Variants in GPR89B observed in about 807,000 individuals in gnomAD.
The protein encoded by GPR89B is golgi pH regulator B.
In GPR89B, 25 loss-of-function variants were observed where a neutral mutation model predicts 52.4. The ratio of observed to expected loss-of-function variants is 0.48; its 90% CI spans 0.35 to 0.67. GPR89B has a LOEUF of 0.67. Among genes scored for constraint, GPR89B ranks in the 30% least tolerant of loss-of-function variants. The pLI, the probability that GPR89B is intolerant of heterozygous loss-of-function variation, is 0.01. For missense variants in GPR89B, 146 were observed against 450.2 expected (o/e 0.32, Z 6.11); for synonymous variants, 52 against 151.2 (o/e 0.34, Z 4.81).
chr1:147,949,870 G>A (rs1219032220), intron 5 of GPR89B, among the ~76,000 whole-genome samples: 2 of 136,434 alleles, frequency 1.5e-5, no homozygotes, highest in Admixed American at 1.4e-4. Flanking sequence ...CAGTAGGGGC[G>A]GCCGGGCAGA....
chr1:147,938,801 G>A lies in GPR89B; in HGVS notation c.190G>A (p.Gly64Arg). Residue 64 changes from glycine (G) to arginine (R), a missense_variant, in exon 3 of 14, where the codon GGA (glycine) becomes AGA (arginine). By Grantham distance (125) the Gly-to-Arg change is moderately radical. Coordinates refer to ENST00000314163, the MANE Select transcript of GPR89B (RefSeq NM_016334.5). ...MFELIIFEIL[G>R]VLNSSSRYFH... ...TGAGCTCATCATCTTTGAAATCTTAGGAGTATTGAATAGCAGGTGAGTAAG... is the reference window on the plus strand; with the variant it reads ...TGAGCTCATCATCTTTGAAATCTTAAGAGTATTGAATAGCAGGTGAGTAAG... 1 of 1,574,460 alleles carries A rather than the reference G, an allele frequency of 6.4e-7. No individual in the cohort carries two copies. Among genetic ancestry groups the A allele is most frequent in the African/African-American group, 1.5e-5 (1 of 67,202 alleles).
chr1:147,956,404 G>T (rs1656116300), intron 7 of GPR89B, among the ~76,000 whole-genome samples: 1 of 152,270 alleles, frequency 6.6e-6, no homozygotes, highest in Non-Finnish European at 1.5e-5. Context: ...TGTATTTTAG[G>T]ATTATTTTTT....
downstream of GPR89B, chr1:147,995,587 C>T (rs1265568817): frequency 1.0e-5 from 16 of 1,607,486 alleles, no homozygotes; most frequent in Non-Finnish European, 1.4e-5. Flanking sequence ...GAAATAGGCC[C>T]CCACTCACCC....
chr1:148,008,140 C>T, the GPR89B span, among the ~76,000 whole-genome samples: 2 of 152,136 alleles, frequency 1.3e-5, no homozygotes, highest in Non-Finnish European at 2.9e-5. Flanking sequence ...CTAATGACTA[C>T]ATAAATCACT....
In GPR89B at chr1:147,955,412, G is replaced by T. The variant is rs1226571146; in HGVS notation, c.617+1010G>T. Among the ~76,000 whole-genome samples the T allele has an allele frequency of 3.3e-4, 50 of 151,942 alleles. 1 individual carries two copies. The Middle Eastern group carries it at 0.014, about 41-fold the overall frequency. On this transcript the variant is annotated intron_variant, in intron 7 of 13. Coordinates refer to ENST00000314163, the MANE Select transcript of GPR89B (RefSeq NM_016334.5). Reference sequence around the variant, plus strand: ...CATTTTACTGATTTCAGATCTTTTGGGTAAATACTAAGAAGTGGGATTGCT... The same window carrying T: ...CATTTTACTGATTTCAGATCTTTTGTGTAAATACTAAGAAGTGGGATTGCT...
Position 147,968,856 on chromosome 1 carries a change from G to C in GPR89B, c.728-19G>C. The C allele has an allele frequency of 1.9e-6, 3 of 1,612,912 alleles. No individual in the cohort carries two copies. Among genetic ancestry groups the C allele is most frequent in the Non-Finnish European group, 2.5e-6 (3 of 1,179,406 alleles). ...GAAATTCCTATGTGATTAAAACCTT[G>C]ATGCCCATTCTGTGCCAGATCTTAC... On this transcript the variant is annotated intron_variant, in intron 8 of 13. Coordinates refer to ENST00000314163, the MANE Select transcript of GPR89B (RefSeq NM_016334.5).
In GPR89B at chr1:147,968,162, C is replaced by T. The variant is rs1224954390; in HGVS notation, c.728-713C>T. 48 of 416,450 alleles carry T rather than the reference C, an allele frequency of 1.2e-4. 3 individuals carry two copies. The highest frequency in any genetic ancestry group is 9.3e-4 in the African/African-American group (45 of 48,330). The allele number at this position is 416,450 out of a possible 1,614,324, so 25.8% of individuals were successfully genotyped here. A position where few individuals can be genotyped will look rare whatever the true frequency, so the allele number is the denominator to read the frequency against. On this transcript the variant is annotated intron_variant, in intron 8 of 13. Transcript: ENST00000314163. ...AACAAACATATCAGGACTATTTAAC[C>T]TCCCTGAGCCCCTGTTCTCTAAATG...
the GPR89B span, among the ~76,000 whole-genome samples, chr1:148,021,623 G>T: frequency 5.4e-3 from 822 of 151,766 alleles, 9 homozygotes; most frequent in Non-Finnish European, 8.0e-3. Context: ...GAGGGGCCTC[G>T]GACCTTCCTG....
intron 8 of GPR89B, chr1:147,967,805 C>T (rs1246732261): frequency 6.5e-6 from 1 of 154,232 alleles, no homozygotes; most frequent in East Asian, 1.9e-4. Flanking sequence ...TTTGTATCTC[C>T]TATTTCCAGG....
intron 10 of GPR89B, among the ~76,000 whole-genome samples, chr1:147,978,921 CA>C (rs1658039069): frequency 6.6e-6 from 1 of 151,194 alleles, no homozygotes. Flanking sequence ...CTGCTGGCTG[CA>C]ACCTCAGTGG....
Position 147,986,256 on chromosome 1 carries a change from A to G in GPR89B, c.967A>G (p.Ile323Val), listed in dbSNP as rs1658660757. ...VGKTDPVTRG[I>V]EITVNYLGIQ... ...GAAAACGGATCCTGTCACAAGAGGC[A>G]TTGAGATCACTGTGAATTATCTGGG... Residue 323 changes from isoleucine (I) to valine (V), a missense_variant, in exon 11 of 14, where the codon ATT becomes GTT. By Grantham distance (29) the Ile-to-Val change is conservative. Transcript: ENST00000314163. 4.3e-6 allele frequency: 7 copies of G among 1,611,430 alleles called. No homozygotes were observed. The African/African-American group carries it at 5.3e-5, about 12-fold the overall frequency.
chr1:147,997,014 A>G (rs1381780375), downstream of GPR89B, among the ~76,000 whole-genome samples: 1 of 152,084 alleles, frequency 6.6e-6, no homozygotes, highest in East Asian at 1.9e-4. Flanking sequence ...CAAGGATCCC[A>G]AAAGAAGTCT....
chr1:147,952,211 G>A (rs186217655), intron 5 of GPR89B, among the ~76,000 whole-genome samples: 1 of 152,106 alleles, frequency 6.6e-6, no homozygotes, highest in African/African-American at 2.4e-5. Flanking sequence ...CCATACATTT[G>A]TAATGGCTCC....
chr1:147,962,061 A>G (rs1656617643), intron 7 of GPR89B, among the ~76,000 whole-genome samples: 3 of 152,004 alleles, frequency 2.0e-5, no homozygotes, highest in Non-Finnish European at 2.9e-5. Context: ...AACATATTAT[A>G]TAGCTGCAGT....
At chr1:147,995,728 C>T, downstream of GPR89B, 6 of 1,607,034 alleles carry the variant, frequency 3.7e-6, no homozygotes, top group Middle Eastern at 4.5e-4. Flanking sequence ...AATCATAGGC[C>T]TTCTTTCCAC....
downstream of GPR89B, chr1:147,995,517 T>C (rs1659296004): frequency 2.0e-6 from 3 of 1,480,658 alleles, no homozygotes; most frequent in Non-Finnish European, 2.8e-6. Context: ...GTGGCAAACA[T>C]AGACATTAAA....
At chr1:147,995,503 A>G (rs1659295848), downstream of GPR89B, 13 of 1,411,404 alleles carry the variant, frequency 9.2e-6, no homozygotes, top group South Asian at 3.8e-5. Context: ...TTTAAAAAAA[A>G]TCTGTGGCAA....
At chr1:147,990,541 G>C (rs1658984407) in intron 12 of GPR89B, among the ~76,000 whole-genome samples, 1 of 152,174 alleles carries the variant, frequency 6.6e-6, no homozygotes, top group African/African-American at 2.4e-5. Flanking sequence ...TGTCCTGAAT[G>C]TTATTGCCTA....
chr1:147,983,840 G>A (rs1416552024), intron 10 of GPR89B, among the ~76,000 whole-genome samples: 73 of 152,074 alleles, frequency 4.8e-4, no homozygotes, highest in African/African-American at 1.7e-3. Context: ...TATACCCAAA[G>A]GACTATAAAT....
Sources: allele counts gnomAD v4.1 joint callset (sites outside exome capture counted in the v4.1 genomes callset), GRCh38; gene constraint gnomAD v4.1.1; transcripts MANE v1.5; gene names NCBI Gene and HGNC (gene_info 2026-07-23, HGNC 2026-07-21).